The following AGBL4 variants were observed in gnomAD, a reference collection of about 807,000 sequenced individuals.
AGBL4 encodes cytosolic carboxypeptidase 6.
A neutral mutation model predicts 66.4 loss-of-function variants in AGBL4; 58 were observed. The ratio of observed to expected loss-of-function variants is 0.87; its 90% CI spans 0.71 to 1.09. The LOEUF (loss-of-function observed/expected upper bound fraction) is 1.09. Among genes scored for constraint, AGBL4 ranks in the 50% least tolerant of loss-of-function variants. AGBL4 has a pLI of 0.00. For missense variants in AGBL4, 579 were observed against 631.0 expected, an observed-to-expected ratio of 0.92 and a Z score of 0.88; for synonymous variants, 234 against 222.9, an observed-to-expected ratio of 1.05 and a Z score of -0.44.
At chr1:48,715,065 C>T (rs1198817521) in intron 6 of AGBL4, among the ~76,000 whole-genome samples, 3 of 152,060 alleles carry the variant, frequency 2.0e-5, no homozygotes, top group African/African-American at 4.8e-5. Context: ...GGGTGGGTGC[C>T]GGTTCAGACA....
intron 3 of AGBL4, among the ~76,000 whole-genome samples, chr1:49,513,580 A>G (rs936724966): frequency 1.3e-5 from 2 of 151,988 alleles, no homozygotes; most frequent in East Asian, 3.9e-4. Context: ...GTTGCTTCAA[A>G]GGACATGATG....
intron 1 of AGBL4, among the ~76,000 whole-genome samples, chr1:49,989,182 C>T (rs1378758359): frequency 2.6e-5 from 4 of 152,116 alleles, no homozygotes; most frequent in Non-Finnish European, 5.9e-5. Context: ...AAAGGAATAA[C>T]AGATGATTAC....
intron 5 of AGBL4, among the ~76,000 whole-genome samples, chr1:48,929,612 C>A (rs1026650566): frequency 6.6e-6 from 1 of 152,160 alleles, no homozygotes; most frequent in African/African-American, 2.4e-5. Flanking sequence ...TAACTATAAA[C>A]TCCATTGAAG....
intron 6 of AGBL4, among the ~76,000 whole-genome samples, chr1:48,826,432 T>C (rs1010793683): frequency 2.0e-5 from 3 of 152,204 alleles, no homozygotes; most frequent in Admixed American, 1.3e-4. Flanking sequence ...AAAACATGTA[T>C]GTGAGCTACA....
At chr1:48,819,191 T>C (rs1646256665) in intron 6 of AGBL4, among the ~76,000 whole-genome samples, 2 of 152,066 alleles carry the variant, frequency 1.3e-5, no homozygotes, top group Non-Finnish European at 1.5e-5. Flanking sequence ...AGGAGGCAGA[T>C]AAGGAGATAA....
intron 4 of AGBL4, among the ~76,000 whole-genome samples, chr1:49,086,771 C>T (rs894384269): frequency 3.3e-5 from 5 of 152,094 alleles, no homozygotes; most frequent in Non-Finnish European, 7.4e-5. Context: ...TGGGAAGGCA[C>T]ATCCCCGTAT....
chr1:49,835,566 T>C (rs1571677410), intron 2 of AGBL4, among the ~76,000 whole-genome samples: 2 of 152,342 alleles, frequency 1.3e-5, no homozygotes, highest in South Asian at 2.1e-4. Flanking sequence ...ATTTAGCCCA[T>C]TTGCATTTAA....
intron 3 of AGBL4, among the ~76,000 whole-genome samples, chr1:49,640,764 T>C (rs1258928272): frequency 6.6e-6 from 1 of 152,184 alleles, no homozygotes; most frequent in Non-Finnish European, 1.5e-5. Flanking sequence ...ACTTATACTT[T>C]ATACATGACT....
At chr1:48,856,250 A>G (rs1224980713) in intron 6 of AGBL4, among the ~76,000 whole-genome samples, 1 of 152,250 alleles carries the variant, frequency 6.6e-6, no homozygotes, top group Non-Finnish European at 1.5e-5. Context: ...ACATAGCAAC[A>G]TGGAGATTGT....
chr1:49,760,656 G>A (rs899446016), intron 2 of AGBL4, among the ~76,000 whole-genome samples: 1 of 152,012 alleles, frequency 6.6e-6, no homozygotes, highest in Non-Finnish European at 1.5e-5. Flanking sequence ...CTTGACCCAG[G>A]AATCCCATTA....
chr1:48,591,086 A>ACCC (rs1644910461), intron 9 of AGBL4, 101 bp from the exon 10 acceptor site: 102 of 655,584 alleles, frequency 1.6e-4, no homozygotes, highest in African/African-American at 1.1e-3. Flanking sequence ...ACACACACCC[A>ACCC]CCCACCCCCC....
At chr1:49,666,678 A>T (rs574474704) in intron 3 of AGBL4, among the ~76,000 whole-genome samples, 2 of 152,246 alleles carry the variant, frequency 1.3e-5, no homozygotes, top group East Asian at 3.9e-4. Flanking sequence ...AATGCACAAA[A>T]ATAGATGAGA....
chr1:49,935,330 G>C, intron 1 of AGBL4, among the ~76,000 whole-genome samples: 1 of 152,248 alleles, frequency 6.6e-6, no homozygotes, highest in Non-Finnish European at 1.5e-5. Flanking sequence ...AAGCAGCCGG[G>C]AAGCTCGAAC....
intron 4 of AGBL4, among the ~76,000 whole-genome samples, chr1:49,163,124 G>T (rs1054713822): frequency 6.6e-6 from 1 of 152,136 alleles, no homozygotes; most frequent in Admixed American, 6.6e-5. Context: ...TTAGGATAAC[G>T]CTTGGAACTA....
intron 1 of AGBL4, among the ~76,000 whole-genome samples, chr1:49,884,989 A>T (rs1355651859): frequency 6.6e-6 from 1 of 151,962 alleles, no homozygotes; most frequent in Non-Finnish European, 1.5e-5. Context: ...TAAATGGGTT[A>T]TGCTGCTGAT....
intron 4 of AGBL4, among the ~76,000 whole-genome samples, chr1:49,086,248 A>C (rs962874723): frequency 6.6e-6 from 1 of 152,166 alleles, no homozygotes; most frequent in African/African-American, 2.4e-5. Context: ...GTCAGACAAT[A>C]GGGTAGGCAA....
Position 49,465,210 on chromosome 1 carries a change from T to TACACACACAC in AGBL4, c.283-219356_283-219347dup, listed in dbSNP as rs3054630. On this transcript the variant is annotated intron_variant, in intron 3 of 13. Transcript: ENST00000371839. ...CTGTATTCCCTACCCTACCCCTACA[T>TACACACACAC]ACACACACACACACACACACACACA... Among the ~76,000 whole-genome samples the TACACACACAC allele has an allele frequency of 2.1e-3, 249 of 116,834 alleles. 2 individuals carry two copies. The highest frequency in any genetic ancestry group is 9.7e-3 in the Middle Eastern group (2 of 206). 76.6% of individuals were successfully genotyped at this position (116,834 alleles called of 152,430 possible). A position where few individuals can be genotyped will look rare whatever the true frequency, so the allele number is the denominator to read the frequency against.
intron 6 of AGBL4, among the ~76,000 whole-genome samples, chr1:48,728,879 T>C (rs572125076): frequency 1.3e-5 from 2 of 152,328 alleles, no homozygotes; most frequent in African/African-American, 4.8e-5. Flanking sequence ...ATTAAGGTTC[T>C]GACAACCTGG....
chr1:48,655,138 A>G (rs1645999559), intron 7 of AGBL4, among the ~76,000 whole-genome samples: 1 of 152,178 alleles, frequency 6.6e-6, no homozygotes, highest in Admixed American at 6.5e-5. Context: ...CAGCTAATAA[A>G]AGAATGAGAG....
Sources: gnomAD v4.1 joint callset for allele counts (sites outside exome capture counted in the v4.1 genomes callset) on GRCh38, gnomAD v4.1.1 for gene constraint, MANE v1.5 for transcripts, NCBI Gene and HGNC (gene_info 2026-07-23, HGNC 2026-07-21) for gene names.